Variants in GDAP1 observed in about 807,000 individuals in gnomAD.
The protein encoded by GDAP1 is ganglioside induced differentiation associated protein 1.
In GDAP1, 34 loss-of-function variants were observed where a neutral mutation model predicts 40.1. That is an observed-to-expected ratio of 0.85 (90% CI 0.64 to 1.13). The LOEUF is 1.13. GDAP1 is among the 50% of genes most tolerant of loss of function. The pLI, the probability that GDAP1 is intolerant of heterozygous loss-of-function variation, is 0.00. For synonymous variants in GDAP1, 170 were observed against 157.4 expected (o/e 1.08, Z -0.60); for missense variants, 374 against 433.7 (o/e 0.86, Z 1.22).
intron 2 of GDAP1, among the ~76,000 whole-genome samples, chr8:74,450,230 A>G (rs1357765232): frequency 6.6e-6 from 1 of 151,692 alleles, no homozygotes; most frequent in African/African-American, 2.4e-5. Flanking sequence ...TTGGGCATTT[A>G]TTAAGATGTA....
chr8:74,379,146 C>CATGAGGAAAGGGTA (rs59700909), intron 2 of GDAP1, among the ~76,000 whole-genome samples: 150,737 of 152,036 alleles, frequency 0.99, 74,732 homozygotes, highest in East Asian at 1. Flanking sequence ...CTTTCAGGGT[C>CATGAGGAAAGGGTA]CGACTCAGGC....
intron 2 of GDAP1, among the ~76,000 whole-genome samples, chr8:74,376,498 G>A (rs1406617653): frequency 2.6e-5 from 4 of 151,972 alleles, no homozygotes; most frequent in Non-Finnish European, 4.4e-5. Flanking sequence ...ACGGGCGCCC[G>A]CCACCAAGCC....
intron 2 of GDAP1, among the ~76,000 whole-genome samples, chr8:74,375,194 G>T (rs1360732947): frequency 6.6e-6 from 1 of 152,128 alleles, no homozygotes; most frequent in African/African-American, 2.4e-5. Flanking sequence ...AGGCATGGTG[G>T]TGTGCACCTG....
chr8:74,458,370 T>C (rs979083329), intron 2 of GDAP1, among the ~76,000 whole-genome samples: 5 of 152,166 alleles, frequency 3.3e-5, no homozygotes, highest in Admixed American at 6.6e-5. Flanking sequence ...TGTGAGGTCA[T>C]TATAAAGGAC....
chr8:74,476,169 A>G (rs988723377), intron 2 of GDAP1, among the ~76,000 whole-genome samples: 2 of 151,998 alleles, frequency 1.3e-5, no homozygotes, highest in African/African-American at 4.8e-5. Context: ...TTTTGAGCCT[A>G]TGTGTGTCAT....
chr8:74,474,847 A>G (rs1301544058), intron 2 of GDAP1, among the ~76,000 whole-genome samples: 2 of 152,096 alleles, frequency 1.3e-5, no homozygotes, highest in Non-Finnish European at 2.9e-5. Flanking sequence ...ATTTTTTGGA[A>G]TGGTTTCAGT....
chr8:74,409,095 C>T (rs892195855), intron 2 of GDAP1, among the ~76,000 whole-genome samples: 1 of 149,812 alleles, frequency 6.7e-6, no homozygotes, highest in Non-Finnish European at 1.5e-5. Flanking sequence ...TAAAAGTGCT[C>T]TATACGTGAT....
chr8:74,362,544 T>C (rs1462458194), intron 4 of GDAP1, among the ~76,000 whole-genome samples: 1 of 152,176 alleles, frequency 6.6e-6, no homozygotes, highest in African/African-American at 2.4e-5. Flanking sequence ...GACTCTCCAC[T>C]CGCCGTTTAA....
intron 2 of GDAP1, among the ~76,000 whole-genome samples, chr8:74,428,376 C>T (rs1805979602): frequency 6.6e-6 from 1 of 152,098 alleles, no homozygotes; most frequent in South Asian, 2.1e-4. Context: ...CCGACCATCA[C>T]AGGAGAACCA....
Position 74,443,972 on chromosome 8 carries a change from T to TTCTG in GDAP1, c.166-44698_166-44695dup, listed in dbSNP as rs748579595. On this transcript the variant is annotated intron_variant, in intron 2 of 2. Coordinates refer to the GDAP1 transcript ENST00000523640. Reference sequence around the variant, plus strand: ...TTCAGTCACAAGTTTCCTTTATTCTTTCTGTCTGTCTATCTATCTATCTAT... The same window carrying TTCTG: ...TTCAGTCACAAGTTTCCTTTATTCTTTCTGTCTGTCTGTCTATCTATCTATCTAT... Among the ~76,000 whole-genome samples the TTCTG allele has an allele frequency of 4.9e-3, 672 of 138,032 alleles. 3 individuals are homozygous for TTCTG. The highest frequency in any genetic ancestry group is 0.01 in the Admixed American group (134 of 13,208). 90.6% of individuals were successfully genotyped at this position (138,032 alleles called of 152,430 possible).
chr8:74,367,141 T>C (rs907720884), downstream of GDAP1: 7 of 172,168 alleles, frequency 4.1e-5, no homozygotes, highest in Non-Finnish European at 6.2e-5. Context: ...CTCATTAATA[T>C]AGCTCTGTTG....
chr8:74,351,734 T>G (rs1007651964), intron 2 of GDAP1, among the ~76,000 whole-genome samples: 20 of 152,184 alleles, frequency 1.3e-4, no homozygotes, highest in African/African-American at 4.3e-4. Flanking sequence ...TGCAAAAAAC[T>G]GCAAATGTGT....
At chr8:74,380,135 A>C (rs1809923657) in intron 2 of GDAP1, among the ~76,000 whole-genome samples, 1 of 152,140 alleles carries the variant, frequency 6.6e-6, no homozygotes, top group Non-Finnish European at 1.5e-5. Context: ...GGGCTGTGTG[A>C]AGCCAGCTGA....
chr8:74,359,989 TGA>T, intron 2 of GDAP1, 146 bp from the exon 3 acceptor site: 1 of 538,744 alleles, frequency 1.9e-6, no homozygotes, highest in Non-Finnish European at 3.2e-6. Context: ...AAACTTTGAA[TGA>T]ATGTCTGAGG....
At chr8:74,461,027 A>G (rs775008215) in intron 2 of GDAP1, among the ~76,000 whole-genome samples, 2 of 152,198 alleles carry the variant, frequency 1.3e-5, no homozygotes, top group Non-Finnish European at 1.5e-5. Context: ...CCTACAGAAC[A>G]TCTTCTGCCA....
At chr8:74,372,511 A>T (rs1016882547) in intron 2 of GDAP1, among the ~76,000 whole-genome samples, 1 of 152,140 alleles carries the variant, frequency 6.6e-6, no homozygotes, top group Non-Finnish European at 1.5e-5. Flanking sequence ...GCATTTCTCT[A>T]ATGGCCAGTG....
chr8:74,436,955 C>T (rs964403077), intron 2 of GDAP1, among the ~76,000 whole-genome samples: 1 of 151,994 alleles, frequency 6.6e-6, no homozygotes, highest in African/African-American at 2.4e-5. Flanking sequence ...CTTGGAGTAA[C>T]TGGTACTACA....
chr8:74,422,644 A>G (rs1025972957), intron 2 of GDAP1, among the ~76,000 whole-genome samples: 7 of 151,928 alleles, frequency 4.6e-5, no homozygotes, highest in South Asian at 2.1e-4. Flanking sequence ...CAAGGTCTTT[A>G]TATGATTGAC....
At chr8:74,482,492 T>C (rs1425883814) in intron 2 of GDAP1, among the ~76,000 whole-genome samples, 2 of 152,038 alleles carry the variant, frequency 1.3e-5, no homozygotes, top group East Asian at 3.8e-4. Context: ...AGATGTGTTA[T>C]GTGGCATGGT....
Sources: gnomAD v4.1 joint callset for allele counts (sites outside exome capture counted in the v4.1 genomes callset) on GRCh38, gnomAD v4.1.1 for gene constraint, MANE v1.5 for transcripts, NCBI Gene and HGNC (gene_info 2026-07-23, HGNC 2026-07-21) for gene names.